The following ATRNL1 variants were observed in gnomAD, a reference collection of about 807,000 sequenced individuals.
ATRNL1 encodes the protein attractin-like protein 1.
In ATRNL1, 95 loss-of-function variants were observed where a neutral mutation model predicts 182.7. That is an observed-to-expected ratio of 0.52 (90% CI 0.44 to 0.62). The LOEUF is 0.62. Among genes scored for constraint, ATRNL1 ranks in the 20% least tolerant of loss-of-function variants. The pLI is 0.00. For missense variants in ATRNL1, 1,471 were observed against 1,679.5 expected (o/e 0.88, Z 2.17); for synonymous variants, 576 against 568.3 (o/e 1.01, Z -0.19).
chr10:115,222,241 G>A (rs191642538), intron 9 of ATRNL1, among the ~76,000 whole-genome samples: 95 of 152,002 alleles, frequency 6.2e-4, no homozygotes, highest in Non-Finnish European at 1.1e-3. Flanking sequence ...ATGGAAGAGA[G>A]ATCAGAAGGA....
chr10:115,775,384 T>G (rs1272637461), intron 27 of ATRNL1, among the ~76,000 whole-genome samples: 1 of 152,226 alleles, frequency 6.6e-6, no homozygotes, highest in Non-Finnish European at 1.5e-5. Flanking sequence ...TACAGAGCTT[T>G]CTTTCTTAAT....
chr10:115,808,323 G>A (rs1949968912), intron 27 of ATRNL1, among the ~76,000 whole-genome samples: 1 of 152,142 alleles, frequency 6.6e-6, no homozygotes, highest in African/African-American at 2.4e-5. Flanking sequence ...ACTTAAACCA[G>A]TGCTAGGAAG....
chr10:115,437,072 A>G lies in ATRNL1; in HGVS notation c.3322+10770A>G, dbSNP rs568775193. Among the ~76,000 whole-genome samples, 18 of 152,158 alleles carry G rather than the reference A, an allele frequency of 1.2e-4. 1 individual carries two copies. In the South Asian group the frequency reaches 3.7e-3, roughly 32 times the overall value. ...AAGGGAATGATTGAGCTTTGATTTGAAGAAATGACTTGATAAGATGTGATA... is the reference window on the plus strand; with the variant it reads ...AAGGGAATGATTGAGCTTTGATTTGGAGAAATGACTTGATAAGATGTGATA... On this transcript the variant is annotated intron_variant, in intron 21 of 28. Coordinates refer to ENST00000355044, the MANE Select transcript of ATRNL1 (RefSeq NM_207303.4).
intron 28 of ATRNL1, among the ~76,000 whole-genome samples, chr10:115,900,525 T>G (rs1335462892): frequency 6.6e-6 from 1 of 152,250 alleles, no homozygotes; most frequent in Non-Finnish European, 1.5e-5. Context: ...TATTTTTCAG[T>G]GCTTATGATG....
At chr10:115,205,058 T>C (rs1334230883) in intron 8 of ATRNL1, among the ~76,000 whole-genome samples, 1 of 152,082 alleles carries the variant, frequency 6.6e-6, no homozygotes, top group Non-Finnish European at 1.5e-5. Context: ...CCTCACATTT[T>C]ATGTTTTTGG....
At chr10:115,926,826 A>G (rs782132598) in intron 28 of ATRNL1, among the ~76,000 whole-genome samples, 2 of 152,196 alleles carry the variant, frequency 1.3e-5, no homozygotes, top group Non-Finnish European at 2.9e-5. Flanking sequence ...AAATTCTACC[A>G]GAGGTACAAA....
chr10:115,365,506 G>A (rs191752496), intron 19 of ATRNL1, among the ~76,000 whole-genome samples: 6,065 of 151,958 alleles, frequency 0.04, 172 homozygotes, highest in South Asian at 0.08. Flanking sequence ...AGGGTTTTTT[G>A]TGTCTCTATT....
chr10:115,394,762 A>G lies in ATRNL1; in HGVS notation c.3269+10A>G. 5.1e-6 allele frequency: 8 copies of G among 1,569,040 alleles called. No homozygotes were observed. The highest frequency in any genetic ancestry group is 6.9e-6 in the Non-Finnish European group (8 of 1,156,034). On this transcript the variant is annotated intron_variant, in intron 20 of 28. Coordinates refer to ENST00000355044, the MANE Select transcript of ATRNL1 (RefSeq NM_207303.4). ...GTGACCAATGCCAATTGTAAGTAAG[A>G]ATGACTTTTTAGAACTTTCGTGGAT...
In ATRNL1 at chr10:115,120,176, C is replaced by A; in HGVS notation, c.294-9C>A. The A allele has an allele frequency of 1.4e-6, 2 of 1,437,854 alleles. No homozygotes were observed. The highest frequency in any genetic ancestry group is 1.9e-6 in the Non-Finnish European group (2 of 1,029,600). The allele number at this position is 1,437,854 out of a possible 1,614,324, so 89.1% of individuals were successfully genotyped here. ...GTAATTATTTTCATTATTTTATTTT[C>A]TCTTCCAGGTTAACAGAACCTTCTG... On this transcript the variant is annotated splice_polypyrimidine_tract_variant and intron_variant, in intron 1 of 28. Transcript: ENST00000355044.
intron 18 of ATRNL1, among the ~76,000 whole-genome samples, chr10:115,327,213 A>G (rs1554933605): frequency 6.6e-6 from 1 of 151,792 alleles, no homozygotes; most frequent in Admixed American, 6.6e-5. Flanking sequence ...TCCAGAATCT[A>G]CAATGAACTC....
At chr10:115,741,188 AAT>A (rs566452812) in intron 27 of ATRNL1, among the ~76,000 whole-genome samples, 30 of 152,204 alleles carry the variant, frequency 2.0e-4, no homozygotes, top group Non-Finnish European at 3.1e-4. Context: ...CTCTAATAAA[AAT>A]ATGTTATTAA....
intron 3 of ATRNL1, among the ~76,000 whole-genome samples, chr10:115,125,861 G>A (rs1464195467): frequency 1.3e-5 from 2 of 152,074 alleles, no homozygotes; most frequent in Non-Finnish European, 2.9e-5. Flanking sequence ...CTTGAAATCA[G>A]CAAATGCCAA....
intron 21 of ATRNL1, 69 bp from the exon 22 acceptor site, chr10:115,461,872 A>G: frequency 1.1e-6 from 1 of 909,368 alleles, no homozygotes; most frequent in Admixed American, 2.2e-5. Context: ...ATATATTGTA[A>G]CCTAAATTTT....
intron 28 of ATRNL1, among the ~76,000 whole-genome samples, chr10:115,876,856 A>G (rs1327946079): frequency 1.3e-5 from 2 of 152,242 alleles, no homozygotes; most frequent in Non-Finnish European, 2.9e-5. Flanking sequence ...AATCAGAGAA[A>G]TGTTGTGACA....
chr10:115,535,074 C>T (rs1554989781), intron 25 of ATRNL1, among the ~76,000 whole-genome samples: 3 of 150,732 alleles, frequency 2.0e-5, no homozygotes, highest in African/African-American at 7.3e-5. Context: ...GTGAATCTGA[C>T]AATTATGTGT....
chr10:115,192,575 T>C (rs1312751853), intron 8 of ATRNL1, among the ~76,000 whole-genome samples: 1 of 152,138 alleles, frequency 6.6e-6, no homozygotes, highest in East Asian at 1.9e-4. Context: ...CTTTGGCTAT[T>C]CTGGGTCTTT....
At chr10:115,720,437 A>G (rs1175847379) in intron 26 of ATRNL1, among the ~76,000 whole-genome samples, 9 of 150,934 alleles carry the variant, frequency 6.0e-5, no homozygotes, top group African/African-American at 2.2e-4. Context: ...TACTTGTAAA[A>G]GTAAGGTATA....
chr10:115,293,220 T>C (rs1236393447), intron 15 of ATRNL1, among the ~76,000 whole-genome samples: 1 of 152,144 alleles, frequency 6.6e-6, no homozygotes, highest in African/African-American at 2.4e-5. Context: ...TTTTCATCCC[T>C]TCACTTTTAG....
intron 27 of ATRNL1, among the ~76,000 whole-genome samples, chr10:115,804,791 A>G (rs1369481950): frequency 6.6e-6 from 1 of 152,196 alleles, no homozygotes; most frequent in Non-Finnish European, 1.5e-5. Context: ...AGTAGGAAAC[A>G]TATTAAGATC....
Sources: gnomAD v4.1 joint callset for allele counts (sites outside exome capture counted in the v4.1 genomes callset) on GRCh38, gnomAD v4.1.1 for gene constraint, MANE v1.5 for transcripts, NCBI Gene and HGNC (gene_info 2026-07-23, HGNC 2026-07-21) for gene names.